The following ANTXR1 variants were observed in gnomAD, a reference collection of about 807,000 sequenced individuals.
The protein encoded by ANTXR1 is anthrax toxin receptor 1.
ANTXR1 carries 19 observed loss-of-function variants against 78.1 expected under a neutral mutation model. The ratio of observed to expected loss-of-function variants is 0.24; its 90% confidence interval spans 0.17 to 0.36. The LOEUF is 0.36. ANTXR1 is among the 10% of genes least tolerant of loss of function. ANTXR1 has a pLI of 1.00. For synonymous variants in ANTXR1, 273 were observed against 260.5 expected (o/e 1.05, Z -0.46); for missense variants, 518 against 718.6 (o/e 0.72, Z 3.19).
intron 10 of ANTXR1, among the ~76,000 whole-genome samples, chr2:69,110,569 A>G (rs919283224): frequency 6.6e-6 from 1 of 152,186 alleles, no homozygotes. Flanking sequence ...TAAATAAGTT[A>G]CAAAACAGGC....
At chr2:69,062,788 G>A (rs1290361646) in intron 3 of ANTXR1, among the ~76,000 whole-genome samples, 1 of 151,922 alleles carries the variant, frequency 6.6e-6, no homozygotes, top group Non-Finnish European at 1.5e-5. Context: ...TAATGGACAG[G>A]GACTTTTAAG....
At chr2:69,117,055 C>A (rs988744872) in intron 10 of ANTXR1, among the ~76,000 whole-genome samples, 4 of 152,200 alleles carry the variant, frequency 2.6e-5, no homozygotes, top group Admixed American at 2.6e-4. Context: ...TGGCTTCATT[C>A]TAGTTGGCAT....
chr2:69,115,122 C>G lies in ANTXR1; in HGVS notation c.803-7895C>G, dbSNP rs559217155. 7.2e-5 allele frequency among the ~76,000 whole-genome samples: 11 copies of G among 152,346 alleles called. 1 individual carries two copies. Among genetic ancestry groups the G allele is most frequent in the Admixed American group, 2.6e-4 (4 of 15,308 alleles). On this transcript the variant is annotated intron_variant, in intron 10 of 17. Coordinates refer to ENST00000303714, the MANE Select transcript of ANTXR1 (RefSeq NM_032208.3). The stretch of plus-strand genomic sequence containing the variant: ...CAGCACCATCCCTGGTCTCTACCCA[C>G]TAGATGCCAATAGCATTCCTCCCCC...
intron 14 of ANTXR1, among the ~76,000 whole-genome samples, chr2:69,173,223 T>G (rs1162058619): frequency 6.6e-6 from 1 of 152,326 alleles, no homozygotes; most frequent in East Asian, 1.9e-4. Context: ...ATTTATTCCC[T>G]TCTGCCTTCT....
intron 7 of ANTXR1, chr2:69,077,188 G>A (rs1670759084): frequency 3.4e-6 from 2 of 594,066 alleles, no homozygotes; most frequent in African/African-American, 3.7e-5. Context: ...TGAAACAAAT[G>A]TAAAAGCTGG....
Position 69,070,648 on chromosome 2 carries a change from G to T in ANTXR1, c.298G>T (p.Glu100Ter). The T allele has an allele frequency of 6.2e-7, 1 of 1,613,942 alleles. No homozygotes were observed. Among genetic ancestry groups the T allele is most frequent in the Non-Finnish European group, 8.5e-7 (1 of 1,179,868 alleles). ...TAACAGAGTGTCTTTGGATTTCAGA[G>T]AACAAATCCGTCAAGGCCTAGAAGA... The part of the protein sequence containing the change: ...TTLMKLTEDR[E>*]QIRQGLEELQ... Residue 100 changes from glutamate to a stop codon, truncating the protein, a stop_gained and splice_region_variant, in exon 4 of 18, where the codon GAA becomes TAA. Coordinates refer to ENST00000303714, the MANE Select transcript of ANTXR1 (RefSeq NM_032208.3). LOFTEE classifies it high-confidence loss of function.
At chr2:69,212,729 C>G (rs1675073625) in intron 17 of ANTXR1, among the ~76,000 whole-genome samples, 1 of 152,102 alleles carries the variant, frequency 6.6e-6, no homozygotes, top group African/African-American at 2.4e-5. Flanking sequence ...ACAGCTCACT[C>G]TAGCCTTGAC....
chr2:69,218,869 G>A (rs1675243736), intron 17 of ANTXR1, among the ~76,000 whole-genome samples: 1 of 152,138 alleles, frequency 6.6e-6, no homozygotes, highest in South Asian at 2.1e-4. Flanking sequence ...GGGGTGGGAA[G>A]CCTCAAGGCA....
intron 12 of ANTXR1, among the ~76,000 whole-genome samples, chr2:69,147,678 G>T (rs1673266263): frequency 1.3e-5 from 2 of 152,208 alleles, no homozygotes; most frequent in Non-Finnish European, 2.9e-5. Context: ...CATGTTGGGG[G>T]TCAAGGTTCT....
intron 3 of ANTXR1, among the ~76,000 whole-genome samples, chr2:69,067,068 A>G (rs1338482062): frequency 2.0e-5 from 3 of 152,224 alleles, no homozygotes; most frequent in African/African-American, 7.2e-5. Flanking sequence ...TCCCAGAACT[A>G]AAACACACCC....
At chr2:69,022,767 TG>T (rs2103996719) in intron 1 of ANTXR1, among the ~76,000 whole-genome samples, 1 of 152,356 alleles carries the variant, frequency 6.6e-6, no homozygotes, top group East Asian at 1.9e-4. Flanking sequence ...CTCATGGTTA[TG>T]GCCTTATGAT....
chr2:69,083,337 C>T lies in ANTXR1; in HGVS notation c.642+5849C>T, dbSNP rs547083735. Among the ~76,000 whole-genome samples the T allele has an allele frequency of 7.9e-5, 12 of 152,374 alleles. No individual in the cohort carries two copies. In the South Asian group the frequency reaches 2.1e-3, roughly 26 times the overall value. On this transcript the variant is annotated intron_variant, in intron 8 of 17. Coordinates refer to ENST00000303714, the MANE Select transcript of ANTXR1 (RefSeq NM_032208.3). ...GCACATTTCAGCAGCAGCAGCTCTTCTCATAAATCAGGCTTGTTGGTCACT... is the reference window on the plus strand; with the variant it reads ...GCACATTTCAGCAGCAGCAGCTCTTTTCATAAATCAGGCTTGTTGGTCACT...
Position 69,044,830 on chromosome 2 carries a change from T to C in ANTXR1, c.296+17T>C. The C allele has an allele frequency of 1.9e-6, 3 of 1,612,394 alleles. No homozygotes were observed. Among genetic ancestry groups the C allele is most frequent in the Non-Finnish European group, 2.5e-6 (3 of 1,178,544 alleles). ...AGAAGACAGGTAAGGATACTTCTTA[T>C]CTCTGTTGTTAAAAAGTCCATCACT... is the stretch of plus-strand genomic sequence containing the variant. On this transcript the variant is annotated intron_variant, in intron 3 of 17. Coordinates refer to ENST00000303714, the MANE Select transcript of ANTXR1 (RefSeq NM_032208.3).
At chr2:69,105,801 A>G (rs1439893503) in intron 10 of ANTXR1, among the ~76,000 whole-genome samples, 3 of 152,336 alleles carry the variant, frequency 2.0e-5, no homozygotes, top group East Asian at 1.9e-4. Context: ...AAAAGAGAAC[A>G]TAAGTGCCAT....
chr2:69,065,505 T>A (rs1158259936), intron 3 of ANTXR1, among the ~76,000 whole-genome samples: 1 of 151,572 alleles, frequency 6.6e-6, no homozygotes, highest in Non-Finnish European at 1.5e-5. Context: ...GGAATATTAC[T>A]ACAGATCCTA....
intron 17 of ANTXR1, 49 bp downstream of exon 17, chr2:69,193,464 TACACACACAC>T (rs70954338): frequency 6.5e-6 from 7 of 1,074,110 alleles, no homozygotes; most frequent in African/African-American, 1.6e-5. Flanking sequence ...CTCTCTCACA[TACACACACAC>T]ACACACACAC....
intron 3 of ANTXR1, among the ~76,000 whole-genome samples, chr2:69,066,282 A>T (rs911373314): frequency 2.7e-5 from 4 of 150,562 alleles, no homozygotes; most frequent in South Asian, 2.1e-4. Flanking sequence ...TCCATCTTTT[A>T]TTTTTTTTTC....
At chr2:69,154,309 C>T (rs887704868) in intron 13 of ANTXR1, among the ~76,000 whole-genome samples, 2 of 152,144 alleles carry the variant, frequency 1.3e-5, no homozygotes, top group African/African-American at 2.4e-5. Flanking sequence ...ATTCATTTTC[C>T]TGTTTATGAT....
In ANTXR1 at chr2:69,013,455, G is replaced by C. The variant is rs1670926339; in HGVS notation, c.-45G>C. 6.3e-7 allele frequency: 1 copy of C among 1,577,272 alleles called. No homozygotes were observed. Among genetic ancestry groups the C allele is most frequent in the Non-Finnish European group, 8.6e-7 (1 of 1,163,690 alleles). On this transcript the variant is annotated 5_prime_UTR_variant, in exon 1 of 18. Coordinates refer to ENST00000303714, the MANE Select transcript of ANTXR1 (RefSeq NM_032208.3). This position sits in a 1 kb window ranked among gnomAD's most constrained non-coding sequence, Gnocchi z 5.0. Reference sequence around the variant, plus strand: ...TCCCTGAGGGTCGTGGCGAGTTCGCGGAGCGTGGGAAGGAGCGGACCCTGC... The same window carrying C: ...TCCCTGAGGGTCGTGGCGAGTTCGCCGAGCGTGGGAAGGAGCGGACCCTGC...
Sources: allele counts gnomAD v4.1 joint callset (sites outside exome capture counted in the v4.1 genomes callset), GRCh38; gene constraint gnomAD v4.1.1; non-coding constraint Gnocchi (gnomAD v3.1); transcripts MANE v1.5; gene names NCBI Gene and HGNC (gene_info 2026-07-23, HGNC 2026-07-21).